OLFM3: variants seen among roughly 807,000 people sequenced by gnomAD.
OLFM3 encodes the protein olfactomedin 3.
OLFM3 carries 20 observed loss-of-function variants against 48.6 expected under a neutral mutation model. The observed-to-expected ratio is 0.41, with a 90% CI of 0.29 to 0.60. The LOEUF (loss-of-function observed/expected upper bound fraction) is 0.60, where lower values mean the gene tolerates loss of function less well. OLFM3 is among the 20% of genes least tolerant of loss of function. OLFM3 has a pLI of 0.28. For synonymous variants in OLFM3, 222 were observed against 198.1 expected (o/e 1.12, Z -1.01); for missense variants, 437 against 544.3 (o/e 0.80, Z 1.96).
intron 1 of OLFM3, among the ~76,000 whole-genome samples, chr1:101,840,473 A>AT (rs11369836): frequency 0.91 from 130,220 of 143,496 alleles, 59,746 homozygotes; most frequent in Non-Finnish European, 0.98. Context: ...TATTTCAGAG[A>AT]TTTTTTTTTT....
chr1:101,897,330 A>G (rs1658241554), intron 1 of OLFM3, among the ~76,000 whole-genome samples: 1 of 152,222 alleles, frequency 6.6e-6, no homozygotes, highest in Non-Finnish European at 1.5e-5. Context: ...ATAACAAAAT[A>G]TTCTTTCTAA....
chr1:101,891,897 T>G (rs1658013632), intron 1 of OLFM3, among the ~76,000 whole-genome samples: 1 of 152,024 alleles, frequency 6.6e-6, no homozygotes, highest in African/African-American at 2.4e-5. Flanking sequence ...TTAAAAAATA[T>G]AAATGTTGAA....
At chr1:101,942,211 A>G (rs1391872589) in intron 1 of OLFM3, among the ~76,000 whole-genome samples, 2 of 152,208 alleles carry the variant, frequency 1.3e-5, no homozygotes, top group African/African-American at 4.8e-5. Context: ...ATATACACAT[A>G]TACAAAATTC....
At chr1:101,847,060 A>T in intron 1 of OLFM3, 1 of 1,493,730 alleles carries the variant, frequency 6.7e-7, no homozygotes, top group Admixed American at 1.9e-5. Flanking sequence ...AGCGCGCCAC[A>T]TCTACAGCAT....
At chr1:101,953,634 G>A (rs1298017058) in intron 1 of OLFM3, among the ~76,000 whole-genome samples, 1 of 152,108 alleles carries the variant, frequency 6.6e-6, no homozygotes, top group Non-Finnish European at 1.5e-5. Context: ...AATCCTGTTT[G>A]TTCAGAGTAT....
chr1:101,848,134 A>C (rs1454579156), intron 1 of OLFM3, among the ~76,000 whole-genome samples: 1 of 152,222 alleles, frequency 6.6e-6, no homozygotes, highest in Non-Finnish European at 1.5e-5. Flanking sequence ...CTCAGGTTCC[A>C]AATGAAAGAA....
At chr1:101,950,404 A>G (rs1262471683) in intron 1 of OLFM3, among the ~76,000 whole-genome samples, 1 of 151,810 alleles carries the variant, frequency 6.6e-6, no homozygotes, top group Non-Finnish European at 1.5e-5. Context: ...TCACCTTACC[A>G]CACCCATATT....
At chr1:101,967,629 A>T (rs1385719464) in intron 1 of OLFM3, among the ~76,000 whole-genome samples, 4 of 147,280 alleles carry the variant, frequency 2.7e-5, no homozygotes, top group Non-Finnish European at 6.0e-5. Context: ...TAACTGGAAG[A>T]CGAAAGGAAT....
intron 1 of OLFM3, among the ~76,000 whole-genome samples, chr1:101,922,344 G>A (rs1374644209): frequency 2.6e-5 from 4 of 152,110 alleles, no homozygotes; most frequent in Non-Finnish European, 4.4e-5. Flanking sequence ...AGCAGAGTTA[G>A]GAGTATAACC....
chr1:101,952,819 T>A (rs1660183527), intron 1 of OLFM3, among the ~76,000 whole-genome samples: 1 of 151,726 alleles, frequency 6.6e-6, no homozygotes, highest in South Asian at 2.1e-4. Context: ...TAAAAAAAAA[T>A]TGCTGCAATT....
intron 1 of OLFM3, among the ~76,000 whole-genome samples, chr1:101,895,970 GTAATAATAATAA>G (rs71720190): frequency 7.7e-4 from 112 of 145,048 alleles, no homozygotes; most frequent in African/African-American, 1.5e-3. Context: ...TAAAACATAG[GTAATAATAATAA>G]TAATAATAAT....
At chr1:101,940,012 A>G (rs936145755) in intron 1 of OLFM3, among the ~76,000 whole-genome samples, 1 of 152,144 alleles carries the variant, frequency 6.6e-6, no homozygotes, top group African/African-American at 2.4e-5. Context: ...TAACAATTTC[A>G]CATTTTCATC....
chr1:101,922,633 G>A (rs544611373), intron 1 of OLFM3, among the ~76,000 whole-genome samples: 12 of 152,176 alleles, frequency 7.9e-5, no homozygotes, highest in South Asian at 2.1e-4. Flanking sequence ...ATGAATACCC[G>A]TCAGAAATCT....
intron 1 of OLFM3, among the ~76,000 whole-genome samples, chr1:101,979,930 A>G (rs1414875568): frequency 6.6e-6 from 1 of 150,834 alleles, no homozygotes; most frequent in Non-Finnish European, 1.5e-5. Flanking sequence ...AGGCCATGGG[A>G]GCCCATCTTT....
intron 2 of OLFM3, among the ~76,000 whole-genome samples, chr1:101,833,209 T>C (rs6656847): frequency 0.18 from 27,085 of 152,230 alleles, 2,617 homozygotes; most frequent in South Asian, 0.22. Flanking sequence ...ACTTCATTTG[T>C]GTTACAGGAA....
In OLFM3 at chr1:101,845,184, A is replaced by C. The variant is rs919142958; in HGVS notation, c.70-8159T>G. Among the ~76,000 whole-genome samples, 18 of 151,630 alleles carry C rather than the reference A, an allele frequency of 1.2e-4. No homozygotes were observed. The South Asian group carries it at 2.7e-3, about 23-fold the overall frequency. On this transcript the variant is annotated intron_variant, in intron 1 of 5. Transcript: ENST00000370103. Reference sequence around the variant, plus strand: ...TTCTTCTTCTTATTATTTTCTTATTATTATTATTTTTTTTGCAAAGGGGGG... The same window carrying C: ...TTCTTCTTCTTATTATTTTCTTATTCTTATTATTTTTTTTGCAAAGGGGGG...
intron 1 of OLFM3, among the ~76,000 whole-genome samples, chr1:101,919,315 T>A (rs1467624946): frequency 3.9e-5 from 6 of 152,214 alleles, no homozygotes; most frequent in Non-Finnish European, 7.3e-5. Context: ...AAAATTTTTT[T>A]GAACTTTCTA....
chr1:101,870,064 A>G (rs1416305103), intron 1 of OLFM3, among the ~76,000 whole-genome samples: 1 of 152,208 alleles, frequency 6.6e-6, no homozygotes, highest in African/African-American at 2.4e-5. Flanking sequence ...TGCACTATTC[A>G]AAAATATTAG....
rs538057109 is a variant in OLFM3, at chr1:101,960,364, G to A, written c.69+36384C>T. ...CACTCTGCAGTGACTGCAACATGCCGGGAGCTTAGAGCAAGGCAGGGAGTG... is the reference window on the plus strand; with the variant it reads ...CACTCTGCAGTGACTGCAACATGCCAGGAGCTTAGAGCAAGGCAGGGAGTG... On this transcript the variant is annotated intron_variant, in intron 1 of 5. Coordinates refer to ENST00000370103, the MANE Select transcript of OLFM3 (RefSeq NM_058170.4). 4.6e-5 allele frequency among the ~76,000 whole-genome samples: 7 copies of A among 152,270 alleles called. No homozygotes were observed. The South Asian group carries it at 8.3e-4, about 18-fold the overall frequency.
Sources: gnomAD v4.1 joint callset for allele counts (sites outside exome capture counted in the v4.1 genomes callset) on GRCh38, gnomAD v4.1.1 for gene constraint, MANE v1.5 for transcripts, NCBI Gene and HGNC (gene_info 2026-07-23, HGNC 2026-07-21) for gene names.